Variants in CNTNAP2 observed in about 807,000 individuals in gnomAD.
CNTNAP2 encodes contactin associated protein 2, also known as contactin-associated protein-like 2.
In CNTNAP2, 98 loss-of-function variants were observed where a neutral mutation model predicts 155.2. The ratio of observed to expected loss-of-function variants is 0.63; its 90% confidence interval spans 0.54 to 0.75. The LOEUF is 0.75. Among genes scored for constraint, CNTNAP2 ranks in the 30% least tolerant of loss-of-function variants. The pLI, the probability that CNTNAP2 is intolerant of heterozygous loss-of-function variation, is 0.00. For synonymous variants in CNTNAP2, 651 were observed against 631.2 expected, an observed-to-expected ratio of 1.03 and a Z score of -0.47; for missense variants, 1,727 against 1,688.1, an observed-to-expected ratio of 1.02 and a Z score of -0.40.
chr7:147,293,455 A>G (rs1251973367), intron 8 of CNTNAP2, among the ~76,000 whole-genome samples: 1 of 152,148 alleles, frequency 6.6e-6, no homozygotes. Context: ...TTTATTGCAT[A>G]AAAGGATAAT....
intron 1 of CNTNAP2, among the ~76,000 whole-genome samples, chr7:146,449,970 A>C (rs1310123443): frequency 6.6e-6 from 1 of 152,182 alleles, no homozygotes; most frequent in Non-Finnish European, 1.5e-5. Flanking sequence ...CCTAGTTATC[A>C]GTCCACTATT....
At chr7:146,249,709 C>T (rs1799725453) in intron 1 of CNTNAP2, among the ~76,000 whole-genome samples, 1 of 152,022 alleles carries the variant, frequency 6.6e-6, no homozygotes, top group South Asian at 2.1e-4. Flanking sequence ...ATGCTATTTT[C>T]ATTAGACACT....
intron 22 of CNTNAP2, among the ~76,000 whole-genome samples, chr7:148,406,564 A>G (rs1415870681): frequency 6.6e-6 from 1 of 152,118 alleles, no homozygotes; most frequent in Non-Finnish European, 1.5e-5. Flanking sequence ...GGTAGAGAAG[A>G]TTGTTGACTT....
intron 8 of CNTNAP2, among the ~76,000 whole-genome samples, chr7:147,180,905 A>G (rs1028775517): frequency 2.0e-5 from 3 of 152,226 alleles, no homozygotes; most frequent in African/African-American, 2.4e-5. Context: ...TAAAATAGCA[A>G]TGGATCAGCA....
chr7:147,526,951 G>A (rs1036027231), intron 11 of CNTNAP2, among the ~76,000 whole-genome samples: 1 of 149,326 alleles, frequency 6.7e-6, no homozygotes, highest in Non-Finnish European at 1.5e-5. Context: ...ATTAGAACAG[G>A]TTAACATTAA....
chr7:147,242,987 ATTTTTTTTTTTTTTT>A (rs766917054), intron 8 of CNTNAP2, among the ~76,000 whole-genome samples: 12 of 47,168 alleles, frequency 2.5e-4, no homozygotes, highest in South Asian at 1.3e-3. Context: ...TATGCTTTGC[ATTTTTTTTTTTTTTT>A]TTTTTTTTTT....
chr7:146,748,268 C>T (rs1801845388), intron 1 of CNTNAP2, among the ~76,000 whole-genome samples: 2 of 151,514 alleles, frequency 1.3e-5, no homozygotes, highest in African/African-American at 4.9e-5. Context: ...GCCTCAGCCT[C>T]CGGAGTAACT....
intron 2 of CNTNAP2, among the ~76,000 whole-genome samples, chr7:146,786,463 G>C (rs1802576128): frequency 6.6e-6 from 1 of 152,150 alleles, no homozygotes; most frequent in Admixed American, 6.5e-5. Flanking sequence ...CCTTGCAAAA[G>C]TAATTCTAAA....
intron 21 of CNTNAP2, among the ~76,000 whole-genome samples, chr7:148,335,388 G>A (rs1228202469): frequency 6.6e-6 from 1 of 152,174 alleles, no homozygotes; most frequent in African/African-American, 2.4e-5. Flanking sequence ...GGAGTCTCCT[G>A]CTGTTGCTGA....
intron 13 of CNTNAP2, among the ~76,000 whole-genome samples, chr7:147,664,219 C>T (rs985110202): frequency 7.2e-5 from 11 of 152,264 alleles, no homozygotes; most frequent in South Asian, 2.1e-4. Context: ...AGTGATAGAA[C>T]GTATAGTCAA....
intron 1 of CNTNAP2, among the ~76,000 whole-genome samples, chr7:146,633,498 C>T (rs1415851171): frequency 6.6e-6 from 1 of 152,106 alleles, no homozygotes; most frequent in Non-Finnish European, 1.5e-5. Flanking sequence ...AAGTTAATCA[C>T]AAGCTCCATA....
chr7:147,231,754 C>G (rs567781288), intron 8 of CNTNAP2, among the ~76,000 whole-genome samples: 2 of 152,280 alleles, frequency 1.3e-5, no homozygotes, highest in South Asian at 4.1e-4. Context: ...TCTTCAGGTC[C>G]TTGGCCCATT....
At chr7:147,802,560 G>C (rs374525302) in intron 13 of CNTNAP2, among the ~76,000 whole-genome samples, 1 of 152,210 alleles carries the variant, frequency 6.6e-6, no homozygotes, top group African/African-American at 2.4e-5. Flanking sequence ...GATCACTCGC[G>C]GTTACGAGCT....
chr7:148,251,735 C>T (rs372071775), intron 20 of CNTNAP2, among the ~76,000 whole-genome samples: 2 of 152,182 alleles, frequency 1.3e-5, no homozygotes, highest in South Asian at 4.1e-4. Flanking sequence ...CAGCAGGTTC[C>T]CTATTCCTGG....
intron 15 of CNTNAP2, among the ~76,000 whole-genome samples, chr7:148,103,602 C>T (rs750675873): frequency 3.3e-5 from 5 of 151,890 alleles, no homozygotes; most frequent in Middle Eastern, 3.4e-3. Context: ...AGGATGATTA[C>T]GAGCAAAGCA....
chr7:147,954,387 G>A (rs1156313963), intron 14 of CNTNAP2, among the ~76,000 whole-genome samples: 3 of 151,910 alleles, frequency 2.0e-5, no homozygotes, highest in Non-Finnish European at 2.9e-5. Flanking sequence ...TTTTATGTGA[G>A]TAGAAGATAT....
chr7:146,700,811 C>T (rs192058087), intron 1 of CNTNAP2, among the ~76,000 whole-genome samples: 12 of 152,200 alleles, frequency 7.9e-5, no homozygotes, highest in Admixed American at 5.2e-4. Flanking sequence ...TCCAAGTCCA[C>T]GGTCCAGGGG....
chr7:147,120,792 C>A (rs898330711), intron 5 of CNTNAP2, among the ~76,000 whole-genome samples, 187 bp from the exon 6 acceptor site: 1 of 151,912 alleles, frequency 6.6e-6, no homozygotes, highest in African/African-American at 2.4e-5. Flanking sequence ...CTACCCCCAA[C>A]CCACAACAGT....
At chr7:148,085,568 ATTAG>A (rs759981140) in intron 15 of CNTNAP2, among the ~76,000 whole-genome samples, 1 of 152,208 alleles carries the variant, frequency 6.6e-6, no homozygotes, top group African/African-American at 2.4e-5. Context: ...TGAAAAGATT[ATTAG>A]TTAGTACCGT....
Sources: gnomAD v4.1 joint callset for allele counts (sites outside exome capture counted in the v4.1 genomes callset) on GRCh38, gnomAD v4.1.1 for gene constraint, MANE v1.5 for transcripts, NCBI Gene and HGNC (gene_info 2026-07-23, HGNC 2026-07-21) for gene names.